ZNF764: variants seen among roughly 807,000 people sequenced by gnomAD.
ZNF764 encodes zinc finger protein 764.
Under a neutral mutation model 13.9 loss-of-function variants are expected in ZNF764, and 10 were observed. That is an observed-to-expected ratio of 0.72 (90% CI 0.44 to 1.22). The LOEUF (loss-of-function observed/expected upper bound fraction) is 1.22, where lower values mean the gene tolerates loss of function less well. Among genes scored for constraint, ZNF764 ranks in the 50% most tolerant of loss-of-function variants. The pLI is 0.00. For synonymous variants in ZNF764, 313 were observed against 255.1 expected (o/e 1.23, Z -2.16); for missense variants, 647 against 589.7 (o/e 1.10, Z -1.01).
chr16:30,555,169 G>A lies in ZNF764; in HGVS notation c.*25C>T, dbSNP rs753209777. ...GAGCCCATCTCGGGCCTCCCGTAAT[G>A]TCTAGATAGTCACTTTTAAGGCCGT... On this transcript the variant is annotated 3_prime_UTR_variant, in exon 3 of 3. Coordinates refer to ENST00000395091, the MANE Select transcript of ZNF764 (RefSeq NM_001172679.2). The A allele has an allele frequency of 1.3e-6, 2 of 1,587,276 alleles. No homozygotes were observed. The highest frequency in any genetic ancestry group is 1.7e-6 in the Non-Finnish European group (2 of 1,167,512).
In ZNF764 at chr16:30,555,391, G is replaced by T; in HGVS notation, c.1027C>A (p.Pro343Thr). Residue 343 changes from proline (P) to threonine (T), a missense_variant, in exon 3 of 3, where the codon CCC (proline) becomes ACC (threonine). Transcript: ENST00000395091. ...AAGCGGCGGCCGCACTGCGGGCAGG[G>T]GTAGGGCTTCTCGCCGCTGTGGGTG... Reference protein sequence around the residue: ...RRTHSGEKPYPCPQCGRRFGQ... With the variant: ...RRTHSGEKPYTCPQCGRRFGQ... 4.5e-6 allele frequency: 7 copies of T among 1,568,602 alleles called. No individual in the cohort carries two copies. Among genetic ancestry groups the T allele is most frequent in the Non-Finnish European group, 6.1e-6 (7 of 1,153,158 alleles).
chr16:30,557,993 C>A lies in ZNF764; in HGVS notation c.190G>T (p.Ala64Ser). The A allele has an allele frequency of 6.2e-7, 1 of 1,601,658 alleles. No homozygotes were observed. Among genetic ancestry groups the A allele is most frequent in the Non-Finnish European group, 8.5e-7 (1 of 1,174,776 alleles). ...VMRETYGHLS[A>S]LGIGGNKPAL... Reference sequence around the variant, plus strand: ...GAGCAGGTGGGGCTCTCACCGAGAGCGCTCAGGTGGCCGTAGGTCTCCCGC... The same window carrying A: ...GAGCAGGTGGGGCTCTCACCGAGAGAGCTCAGGTGGCCGTAGGTCTCCCGC... The change falls in exon 1 of 3, where the codon GCT becomes TCT. Residue 64 changes from alanine to serine, a missense_variant. Ala to Ser is a moderately conservative substitution (Grantham distance 99). Coordinates refer to ENST00000395091, the MANE Select transcript of ZNF764 (RefSeq NM_001172679.2).
rs879252648 is a variant in ZNF764 at position 30,557,763 on chromosome 16, C to T, written c.280G>A (p.Val94Met). Residue 94 changes from valine (V) to methionine (M), a missense_variant, in exon 2 of 3, where the codon GTG (valine) becomes ATG (methionine). By Grantham distance (21) the Val-to-Met change is conservative. Coordinates refer to ENST00000395091, the MANE Select transcript of ZNF764 (RefSeq NM_001172679.2). ...TCCGTTTGTGTCTGACATTTCGCCACCTCCGGATCCTGGGCAGCCGGACCC... is the reference window on the plus strand; with the variant it reads ...TCCGTTTGTGTCTGACATTTCGCCATCTCCGGATCCTGGGCAGCCGGACCC... ...LWGPAAQDPEVAKCQTQTDPD... is the reference protein window; with the variant it reads ...LWGPAAQDPEMAKCQTQTDPD... 1 of 1,613,586 alleles carries T rather than the reference C, an allele frequency of 6.2e-7. No homozygotes were observed. The highest frequency in any genetic ancestry group is 8.5e-7 in the Non-Finnish European group (1 of 1,179,756).
rs1250369826 is a variant in ZNF764, at chr16:30,555,130, A to G, written c.*64T>C. 6.6e-7 allele frequency: 1 copy of G among 1,517,660 alleles called. No homozygotes were observed. The highest frequency in any genetic ancestry group is 1.4e-5 in the African/African-American group (1 of 70,770). The allele number at this position is 1,517,660 out of a possible 1,614,324, so 94.0% of individuals were successfully genotyped here. ...GGGACCTCCCTGCAGGCCGCCGCAG[A>G]GGTTCGGGCCCCTGAGCCCATCTCG... is the stretch of plus-strand genomic sequence containing the variant. On this transcript the variant is annotated 3_prime_UTR_variant, in exon 3 of 3. Coordinates refer to ENST00000395091, the MANE Select transcript of ZNF764 (RefSeq NM_001172679.2).
rs1193458737 is a variant in ZNF764 at position 30,554,594 on chromosome 16, C to T, written c.*600G>A. The T allele has an allele frequency of 2.6e-5, 4 of 152,148 alleles. No individual in the cohort carries two copies. The highest frequency in any genetic ancestry group is 9.7e-5 in the African/African-American group (4 of 41,428). 9.4% of individuals were successfully genotyped at this position (152,148 alleles called of 1,614,324 possible). On this transcript the variant is annotated 3_prime_UTR_variant, in exon 3 of 3. Transcript: ENST00000395091. ...CCAAGGAGTTTGAGACCAGCCTGGA[C>T]AACAGTGAGAACCTCATCTCTATGT... is the stretch of plus-strand genomic sequence containing the variant.
At chr16:30,556,236 G>T in intron 2 of ZNF764, 129 bp from the exon 3 acceptor site, 2 of 1,077,888 alleles carry the variant, frequency 1.9e-6, no homozygotes, top group South Asian at 1.4e-5. Flanking sequence ...AGTGACACCT[G>T]TTCCTCGGCT....
rs762741327 is a variant in ZNF764, at chr16:30,558,038, C to A, written c.145G>T (p.Ala49Ser). The A allele has an allele frequency of 2.5e-6, 4 of 1,611,884 alleles. No individual in the cohort carries two copies. The highest frequency in any genetic ancestry group is 2.2e-5 in the East Asian group (1 of 44,794). The change falls in exon 1 of 3, where the codon GCC (alanine) becomes TCC (serine). Residue 49 changes from alanine to serine, a missense_variant. Transcript: ENST00000395091. ...TCCCGCATCACGTCCCGGTACAGGG[C>A]CCTCTGCGCTGGCCGCAAGCAGCCC... ...EWGCLRPAQRALYRDVMRETY... is the reference protein window; with the variant it reads ...EWGCLRPAQRSLYRDVMRETY...
chr16:30,555,024 G>T lies in ZNF764; in HGVS notation c.*170C>A, dbSNP rs1007576293. The T allele has an allele frequency of 4.2e-5, 32 of 768,776 alleles. No individual in the cohort carries two copies. In the African/African-American group the frequency reaches 5.6e-4, roughly 13 times the overall value. The allele number at this position is 768,776 out of a possible 1,614,324, so 47.6% of individuals were successfully genotyped here. ...CTTGGAGAGCCCTGGGCAGTGGGGA[G>T]CAAGGTGCTGGCAGAGGAGGCTGCT... is the stretch of plus-strand genomic sequence containing the variant. On this transcript the variant is annotated 3_prime_UTR_variant, in exon 3 of 3. Coordinates refer to ENST00000395091, the MANE Select transcript of ZNF764 (RefSeq NM_001172679.2).
At chr16:30,557,431 C>T (rs2151226094) in intron 2 of ZNF764, among the ~76,000 whole-genome samples, 1 of 152,308 alleles carries the variant, frequency 6.6e-6, no homozygotes, top group South Asian at 2.1e-4. Context: ...GCCGCCACTG[C>T]ACTCAGCCTA....
At position 30,555,711 on chromosome 16, in the gene ZNF764, C is replaced by T; in HGVS notation, c.707G>A (p.Gly236Asp). 1 of 1,588,112 alleles carries T rather than the reference C, an allele frequency of 6.3e-7. No individual in the cohort carries two copies. ...CGCCGAGCGCTGCGTGAAGGCCCGG[C>T]CACACTCCAGACAGCGGTGGGGCCG... Reference protein sequence around the residue: ...GERPHRCLECGRAFTQRSALT... With the variant: ...GERPHRCLECDRAFTQRSALT... Residue 236 changes from glycine (G) to aspartate (D), a missense_variant, in exon 3 of 3, where the codon GGC becomes GAC. By Grantham distance (94) the Gly-to-Asp change is moderately conservative. Transcript: ENST00000395091.
rs774657454 is a variant in ZNF764, at chr16:30,554,263, T to G, written c.*931A>C. 3 of 152,198 alleles carry G rather than the reference T, an allele frequency of 2.0e-5. No homozygotes were observed. The highest frequency in any genetic ancestry group is 2.9e-5 in the Non-Finnish European group (2 of 68,036). The allele number at this position is 152,198 out of a possible 1,614,324, so 9.4% of individuals were successfully genotyped here. ...CACTGCCTGGACTCAGATCAATAAA[T>G]ATGACAACCGCAGGCCAGATCCAGT... On this transcript the variant is annotated 3_prime_UTR_variant, in exon 3 of 3. Coordinates refer to ENST00000395091, the MANE Select transcript of ZNF764 (RefSeq NM_001172679.2).
In ZNF764 at chr16:30,558,373, A is replaced by G; in HGVS notation, c.-191T>C. On this transcript the variant is annotated 5_prime_UTR_variant, in exon 1 of 3. Coordinates refer to ENST00000395091, the MANE Select transcript of ZNF764 (RefSeq NM_001172679.2). ...GATGGCAGCGGGTGTATAATCAGAAATGGAATATGCCCTCATAAAAAATGG... is the reference window on the plus strand; with the variant it reads ...GATGGCAGCGGGTGTATAATCAGAAGTGGAATATGCCCTCATAAAAAATGG... 2 of 648,198 alleles carry G rather than the reference A, an allele frequency of 3.1e-6. No homozygotes were observed. The highest frequency in any genetic ancestry group is 5.2e-6 in the Non-Finnish European group (2 of 385,594). The allele number at this position is 648,198 out of a possible 1,614,324, so 40.2% of individuals were successfully genotyped here.
intron 2 of ZNF764, among the ~76,000 whole-genome samples, chr16:30,556,919 A>G (rs1289214233): frequency 1.3e-5 from 2 of 152,134 alleles, no homozygotes; most frequent in South Asian, 2.1e-4. Context: ...GGCAGATCAC[A>G]AAGTCAGAAG....
At position 30,555,164 on chromosome 16, in the gene ZNF764, G is replaced by A. The variant is rs375358467; in HGVS notation, c.*30C>T. 2.6e-6 allele frequency: 4 copies of A among 1,568,592 alleles called. No individual in the cohort carries two copies. The highest frequency in any genetic ancestry group is 1.4e-5 in the African/African-American group (1 of 72,632). Reference sequence around the variant, plus strand: ...CCCCTGAGCCCATCTCGGGCCTCCCGTAATGTCTAGATAGTCACTTTTAAG... The same window carrying A: ...CCCCTGAGCCCATCTCGGGCCTCCCATAATGTCTAGATAGTCACTTTTAAG... On this transcript the variant is annotated 3_prime_UTR_variant, in exon 3 of 3. Coordinates refer to ENST00000395091, the MANE Select transcript of ZNF764 (RefSeq NM_001172679.2).
At position 30,554,877 on chromosome 16, in the gene ZNF764, G is replaced by A. The variant is rs1246793138; in HGVS notation, c.*317C>T. 13 of 354,320 alleles carry A rather than the reference G, an allele frequency of 3.7e-5. No homozygotes were observed. Among genetic ancestry groups the A allele is most frequent in the African/African-American group, 1.9e-4 (9 of 47,786 alleles). 21.9% of individuals were successfully genotyped at this position (354,320 alleles called of 1,614,324 possible). ...ATGATAAAAAATTTAAAAAGACAAT[G>A]GGTAAAACAAGGTTCTCCTCTACCT... is the stretch of plus-strand genomic sequence containing the variant. On this transcript the variant is annotated 3_prime_UTR_variant, in exon 3 of 3. Coordinates refer to ENST00000395091, the MANE Select transcript of ZNF764 (RefSeq NM_001172679.2).
At chr16:30,557,109 C>T (rs2051563211) in intron 2 of ZNF764, among the ~76,000 whole-genome samples, 1 of 145,806 alleles carries the variant, frequency 6.9e-6, no homozygotes, top group Non-Finnish European at 1.5e-5. Context: ...CACTGCACTC[C>T]AGCCTGCGCG....
In ZNF764 at chr16:30,554,889, GT is replaced by G; in HGVS notation, c.*304del. The G allele has an allele frequency of 2.6e-6, 1 of 378,160 alleles. No homozygotes were observed. The highest frequency in any genetic ancestry group is 4.7e-6 in the Non-Finnish European group (1 of 213,984). 23.4% of individuals were successfully genotyped at this position (378,160 alleles called of 1,614,324 possible). On this transcript the variant is annotated 3_prime_UTR_variant, in exon 3 of 3. Transcript: ENST00000395091. The stretch of plus-strand genomic sequence containing the variant: ...TTAAAAAGACAATGGGTAAAACAAG[GT>G]TCTCCTCTACCTCAGTCCTCTTAGC...
rs1185005011 is a variant in ZNF764, at chr16:30,557,118, C to T, written c.310+615G>A. On this transcript the variant is annotated intron_variant, in intron 2 of 2. Coordinates refer to ENST00000395091, the MANE Select transcript of ZNF764 (RefSeq NM_001172679.2). ...TGGCGCCACTGCACTCCAGCCTGCG[C>T]GACAGAGGAAGACTCTGTCTCAAAA... 2.9e-5 allele frequency among the ~76,000 whole-genome samples: 4 copies of T among 139,214 alleles called. No homozygotes were observed. In the East Asian group the frequency reaches 6.3e-4, roughly 22 times the overall value. The allele number at this position is 139,214 out of a possible 152,430, so 91.3% of individuals were successfully genotyped here. A position where few individuals can be genotyped will look rare whatever the true frequency, so the allele number is the denominator to read the frequency against.
Position 30,555,268 on chromosome 16 carries a change from T to C in ZNF764, c.1150A>G (p.Thr384Ala), listed in dbSNP as rs1473882270. 1.9e-6 allele frequency: 3 copies of C among 1,612,580 alleles called. No homozygotes were observed. In the South Asian group the frequency reaches 3.3e-5, roughly 18 times the overall value. Residue 384 changes from threonine (T) to alanine (A), a missense_variant, in exon 3 of 3, where the codon ACC becomes GCC. Transcript: ENST00000395091. Reference protein sequence around the residue: ...RVAGRLSVTLTPGHGDLDPPV... With the variant: ...RVAGRLSVTLAPGHGDLDPPV... ...GGGTCCAGGTCTCCGTGGCCAGGGG[T>C]CAGGGTCACAGACAGACGCCCGGCG...
Sources: allele counts gnomAD v4.1 joint callset (sites outside exome capture counted in the v4.1 genomes callset), GRCh38; gene constraint gnomAD v4.1.1; transcripts MANE v1.5; gene names NCBI Gene and HGNC (gene_info 2026-07-23, HGNC 2026-07-21).